Variants in ATP8A2 observed in about 807,000 individuals in gnomAD.
The protein encoded by ATP8A2 is ATPase phospholipid transporting 8A2.
A neutral mutation model predicts 165.6 loss-of-function variants in ATP8A2; 100 were observed. That is an observed-to-expected ratio of 0.60 (90% CI 0.51 to 0.71). The LOEUF (loss-of-function observed/expected upper bound fraction) is 0.71. Among genes scored for constraint, ATP8A2 ranks in the 30% least tolerant of loss-of-function variants. The probability of loss-of-function intolerance (pLI) is 0.00; values close to 1 mark genes in which losing one functional copy is unlikely to be tolerated. For synonymous variants in ATP8A2, 543 were observed against 548.8 expected (o/e 0.99, Z 0.15); for missense variants, 1,227 against 1,479.5 (o/e 0.83, Z 2.80).
At chr13:25,799,915 A>G (rs1197410366) in intron 27 of ATP8A2, among the ~76,000 whole-genome samples, 2 of 152,244 alleles carry the variant, frequency 1.3e-5, no homozygotes, top group Non-Finnish European at 2.9e-5. Context: ...TCTTCAGGAA[A>G]ATGTAGCATA....
chr13:25,548,211 G>A lies in ATP8A2; in HGVS notation c.892-3127G>A, dbSNP rs893496266. Among the ~76,000 whole-genome samples, 7 of 152,246 alleles carry A rather than the reference G, an allele frequency of 4.6e-5. No individual in the cohort carries two copies. The East Asian group carries it at 1.2e-3, about 25-fold the overall frequency. On this transcript the variant is annotated intron_variant, in intron 10 of 36. Coordinates refer to ENST00000381655, the MANE Select transcript of ATP8A2 (RefSeq NM_016529.6). ...ACTGCACTCCAGCCCAGGTGACAGA[G>A]TAAGACTCTGTCTCCAAAAAACAAA...
intron 33 of ATP8A2, among the ~76,000 whole-genome samples, chr13:25,908,803 A>T (rs937866360): frequency 1.3e-5 from 2 of 152,214 alleles, no homozygotes; most frequent in Non-Finnish European, 2.9e-5. Context: ...TGGTTCCATG[A>T]CTTCCACAGC....
chr13:25,605,834 A>G (rs2040502918), intron 24 of ATP8A2, among the ~76,000 whole-genome samples: 1 of 152,134 alleles, frequency 6.6e-6, no homozygotes, highest in African/African-American at 2.4e-5. Flanking sequence ...CTAGGAAAAG[A>G]TCTCATTTTG....
intron 15 of ATP8A2, among the ~76,000 whole-genome samples, chr13:25,560,869 G>A (rs920829929): frequency 1.3e-5 from 2 of 150,014 alleles, no homozygotes; most frequent in African/African-American, 2.5e-5. Context: ...ATGAAGCTTC[G>A]GGCAGGTTTT....
intron 33 of ATP8A2, among the ~76,000 whole-genome samples, chr13:25,874,083 C>G (rs1219670339): frequency 6.6e-6 from 1 of 152,212 alleles, no homozygotes; most frequent in Non-Finnish European, 1.5e-5. Context: ...CTACCGGAGC[C>G]AGAGTGATCT....
intron 1 of ATP8A2, among the ~76,000 whole-genome samples, chr13:25,428,001 T>A (rs1218378968): frequency 6.6e-6 from 1 of 152,046 alleles, no homozygotes; most frequent in East Asian, 1.9e-4. Context: ...CTTGGCAGCA[T>A]GGCAAAACCC....
At chr13:25,652,154 G>T (rs1281162417) in intron 24 of ATP8A2, among the ~76,000 whole-genome samples, 5 of 152,088 alleles carry the variant, frequency 3.3e-5, no homozygotes, top group African/African-American at 7.2e-5. Flanking sequence ...CTAAATGTAG[G>T]GGTGGGATGG....
intron 1 of ATP8A2, among the ~76,000 whole-genome samples, chr13:25,457,575 A>G (rs2035397824): frequency 6.6e-6 from 1 of 152,220 alleles, no homozygotes; most frequent in African/African-American, 2.4e-5. Context: ...ATGGATTTAC[A>G]CATACAGAAT....
chr13:25,408,919 C>A (rs1320295088), intron 1 of ATP8A2, among the ~76,000 whole-genome samples: 1 of 152,084 alleles, frequency 6.6e-6, no homozygotes, highest in Non-Finnish European at 1.5e-5. Flanking sequence ...TGCAAACATG[C>A]AAAGAATTAT....
At chr13:25,791,576 C>CACAT (rs3223745) in intron 27 of ATP8A2, among the ~76,000 whole-genome samples, 1 of 150,684 alleles carries the variant, frequency 6.6e-6, no homozygotes, top group Non-Finnish European at 1.5e-5. Flanking sequence ...CACACACACA[C>CACAT]TCCAGCTACT....
At chr13:25,925,718 A>G (rs538701994) in intron 33 of ATP8A2, among the ~76,000 whole-genome samples, 1 of 128,110 alleles carries the variant, frequency 7.8e-6, no homozygotes, top group East Asian at 2.5e-4. Flanking sequence ...TAACTTGGCT[A>G]AAGTTGTCAA....
Position 25,530,584 on chromosome 13 carries a change from C to T in ATP8A2, c.344C>T (p.Thr115Ile). Residue 115 changes from threonine to isoleucine, a missense_variant, in exon 4 of 37, where the codon ACA (threonine) becomes ATA (isoleucine). By Grantham distance (89) the Thr-to-Ile change is moderately conservative (BLOSUM62 -1). Around this residue, in one of 5 missense-constraint regions of ATP8A2, gnomAD observed 356 missense variants for 394.9 expected, o/e 0.90. Coordinates refer to ENST00000381655, the MANE Select transcript of ATP8A2 (RefSeq NM_016529.6). ...LLQQIPDVSPTGRYTTLVPLI... is the reference protein window; with the variant it reads ...LLQQIPDVSPIGRYTTLVPLI... ...CAGCAAATTCCAGATGTATCTCCAACAGGAAGATATACCACCCTGGTGCCA... is the reference window on the plus strand; with the variant it reads ...CAGCAAATTCCAGATGTATCTCCAATAGGAAGATATACCACCCTGGTGCCA... 2 of 1,584,932 alleles carry T rather than the reference C, an allele frequency of 1.3e-6. No individual in the cohort carries two copies. The highest frequency in any genetic ancestry group is 1.7e-6 in the Non-Finnish European group (2 of 1,160,970).
chr13:25,403,245 T>C (rs942355956), intron 1 of ATP8A2, among the ~76,000 whole-genome samples: 3 of 152,256 alleles, frequency 2.0e-5, no homozygotes, highest in Non-Finnish European at 4.4e-5. Flanking sequence ...AGACACTGAA[T>C]CTGCAGGTGC....
intron 2 of ATP8A2, among the ~76,000 whole-genome samples, chr13:25,513,685 C>G (rs61948593): frequency 1.3e-5 from 2 of 151,950 alleles, no homozygotes; most frequent in African/African-American, 2.4e-5. Flanking sequence ...CTGAGTGAAC[C>G]AGACTCCGTC....
intron 25 of ATP8A2, among the ~76,000 whole-genome samples, chr13:25,710,385 G>C (rs2043135898): frequency 6.6e-6 from 1 of 152,120 alleles, no homozygotes; most frequent in Non-Finnish European, 1.5e-5. Flanking sequence ...CTTACTGTAT[G>C]TTTGTACCCG....
At chr13:25,732,608 A>G (rs1322751136) in intron 25 of ATP8A2, among the ~76,000 whole-genome samples, 3 of 152,224 alleles carry the variant, frequency 2.0e-5, no homozygotes, top group African/African-American at 4.8e-5. Flanking sequence ...GTATTTCACC[A>G]GAAGTGCTTC....
In ATP8A2 at chr13:26,025,583, G is replaced by C. The variant is rs921446310; in HGVS notation, c.*5598G>C. The stretch of plus-strand genomic sequence containing the variant: ...ACGTTTAATTGGCTCCCAGCAGCGT[G>C]GGGGGTGCTTCTATGGTGTGTGGGG... On this transcript the variant is annotated 3_prime_UTR_variant, in exon 37 of 37. Transcript: ENST00000381655. 6.6e-6 allele frequency: 1 copy of C among 152,246 alleles called. No homozygotes were observed. The highest frequency in any genetic ancestry group is 2.4e-5 in the African/African-American group (1 of 41,422). 9.4% of individuals were successfully genotyped at this position (152,246 alleles called of 1,614,324 possible).
chr13:25,419,134 T>C (rs2034221331), intron 1 of ATP8A2, among the ~76,000 whole-genome samples: 1 of 152,188 alleles, frequency 6.6e-6, no homozygotes, highest in Non-Finnish European at 1.5e-5. Context: ...TGCTGAGATA[T>C]GTGACTGCTC....
intron 1 of ATP8A2, among the ~76,000 whole-genome samples, chr13:25,407,260 T>G (rs1041148177): frequency 6.6e-6 from 1 of 152,198 alleles, no homozygotes; most frequent in Non-Finnish European, 1.5e-5. Flanking sequence ...ACAGACTCAT[T>G]CTTAAAGCTT....
Sources: gnomAD v4.1 joint callset for allele counts (sites outside exome capture counted in the v4.1 genomes callset) on GRCh38, gnomAD v4.1.1 for gene constraint, gnomAD v4.1.1 regional missense constraint, MANE v1.5 for transcripts, NCBI Gene and HGNC (gene_info 2026-07-23, HGNC 2026-07-21) for gene names.